The following NTRK3 variants were observed in gnomAD, a reference collection of about 807,000 sequenced individuals.
The protein encoded by NTRK3 is neurotrophic receptor tyrosine kinase 3.
Under a neutral mutation model 91.7 loss-of-function variants are expected in NTRK3, and 24 were observed. The ratio of observed to expected loss-of-function variants is 0.26; its 90% confidence interval spans 0.19 to 0.37. The LOEUF (loss-of-function observed/expected upper bound fraction) is 0.37, where lower values mean the gene tolerates loss of function less well. NTRK3 is among the 10% of genes least tolerant of loss of function. NTRK3 has a pLI of 1.00. For synonymous variants in NTRK3, 483 were observed against 404.0 expected, an observed-to-expected ratio of 1.20 and a Z score of -2.34; for missense variants, 880 against 1,068.9, an observed-to-expected ratio of 0.82 and a Z score of 2.46.
intron 5 of NTRK3, among the ~76,000 whole-genome samples, chr15:88,162,552 C>A (rs1361994192): frequency 6.6e-6 from 1 of 152,158 alleles, no homozygotes; most frequent in Non-Finnish European, 1.5e-5. Context: ...ACTGCAGGAG[C>A]AACAAAACAA....
At chr15:88,224,953 TG>T (rs2141631193) in intron 3 of NTRK3, among the ~76,000 whole-genome samples, 1 of 152,354 alleles carries the variant, frequency 6.6e-6, no homozygotes, top group African/African-American at 2.4e-5. Context: ...TCCCTTGCCT[TG>T]CAAAGTGGGC....
Position 87,880,519 on chromosome 15 carries a change from T to A in NTRK3, c.2134-91A>T, listed in dbSNP as rs1312372182. The A allele has an allele frequency of 6.0e-6, 8 of 1,337,500 alleles. No homozygotes were observed. The Admixed American group carries it at 1.5e-4, about 26-fold the overall frequency. 82.9% of individuals were successfully genotyped at this position (1,337,500 alleles called of 1,614,324 possible). On this transcript the variant is annotated intron_variant, in intron 17 of 18. Transcript: ENST00000394480. ...CACTCTTCACACATAGATGCACTCT[T>A]GATGCATCCTATTCTAAGATAGTCA...
intron 5 of NTRK3, among the ~76,000 whole-genome samples, chr15:88,169,157 A>T (rs1054115157): frequency 9.2e-5 from 14 of 152,156 alleles, no homozygotes; most frequent in African/African-American, 3.4e-4. Flanking sequence ...CCCACACCAT[A>T]CCACGCTGCC....
intron 14 of NTRK3, among the ~76,000 whole-genome samples, chr15:87,964,103 C>T (rs1235754290): frequency 3.3e-5 from 5 of 152,214 alleles, no homozygotes; most frequent in Admixed American, 1.3e-4. Context: ...ATGTATGACA[C>T]AGCTGCAGTT....
chr15:88,019,181 T>A (rs992152408), intron 14 of NTRK3, among the ~76,000 whole-genome samples: 1 of 152,194 alleles, frequency 6.6e-6, no homozygotes, highest in African/African-American at 2.4e-5. Flanking sequence ...AGAGGAGAGA[T>A]ACAAGGAGTA....
chr15:88,182,518 T>C (rs529180379), intron 5 of NTRK3, among the ~76,000 whole-genome samples: 21 of 152,252 alleles, frequency 1.4e-4, no homozygotes, highest in Admixed American at 3.3e-4. Context: ...AGCACACCAC[T>C]TCTCCACTTT....
chr15:88,113,601 C>T (rs909326337), intron 13 of NTRK3, among the ~76,000 whole-genome samples: 2 of 152,182 alleles, frequency 1.3e-5, no homozygotes, highest in African/African-American at 4.8e-5. Context: ...TAGGCATGAG[C>T]CACCACAGCT....
At chr15:87,893,460 T>C (rs2065948620) in intron 17 of NTRK3, among the ~76,000 whole-genome samples, 1 of 152,172 alleles carries the variant, frequency 6.6e-6, no homozygotes, top group Non-Finnish European at 1.5e-5. Flanking sequence ...AGTGTTCCAC[T>C]CTGGGGAATC....
chr15:87,940,827 G>T (rs757009962), intron 14 of NTRK3, 74 bp from the exon 15 acceptor site: 1 of 1,607,042 alleles, frequency 6.2e-7, no homozygotes. Context: ...GAAGAGTACA[G>T]AGGTCTAGCG....
intron 14 of NTRK3, among the ~76,000 whole-genome samples, chr15:87,971,191 C>T (rs1437954152): frequency 1.3e-5 from 2 of 152,158 alleles, no homozygotes; most frequent in Non-Finnish European, 2.9e-5. Flanking sequence ...TGGTGCCTCC[C>T]CTGCTGCCCA....
At chr15:88,229,565 G>A (rs148326816) in intron 3 of NTRK3, among the ~76,000 whole-genome samples, 34 of 152,318 alleles carry the variant, frequency 2.2e-4, no homozygotes, top group African/African-American at 8.2e-4. Context: ...AACACAGTCT[G>A]TCACCAGAAG....
At chr15:87,956,204 T>C (rs559695248) in intron 14 of NTRK3, among the ~76,000 whole-genome samples, 1 of 152,326 alleles carries the variant, frequency 6.6e-6, no homozygotes, top group African/African-American at 2.4e-5. Context: ...ACAATAGCCA[T>C]AAAAATTTAA....
At position 88,193,877 on chromosome 15, in the gene NTRK3, T is replaced by A. The variant is rs563050943; in HGVS notation, c.249-9578A>T. On this transcript the variant is annotated intron_variant, in intron 3 of 18. Transcript: ENST00000394480. ...TCCATGTCCTCCTCCAGCTACCAAC[T>A]CATGTGTCTACGCCTCTTTATGGCA... is the stretch of plus-strand genomic sequence containing the variant. Among the ~76,000 whole-genome samples, 4 of 152,304 alleles carry A rather than the reference T, an allele frequency of 2.6e-5. No individual in the cohort carries two copies. The South Asian group carries it at 8.3e-4, about 32-fold the overall frequency.
chr15:87,977,068 C>A (rs924801614), intron 14 of NTRK3, among the ~76,000 whole-genome samples: 1 of 152,216 alleles, frequency 6.6e-6, no homozygotes, highest in African/African-American at 2.4e-5. Context: ...AGATTTGAAT[C>A]TTGCTTTCAC....
chr15:88,102,632 C>A (rs747347910), intron 13 of NTRK3, among the ~76,000 whole-genome samples: 2 of 152,036 alleles, frequency 1.3e-5, no homozygotes, highest in Non-Finnish European at 2.9e-5. Flanking sequence ...TAAGTATGTA[C>A]AACTATTATA....
chr15:88,213,969 C>A (rs965561433), intron 3 of NTRK3, among the ~76,000 whole-genome samples: 2 of 152,108 alleles, frequency 1.3e-5, no homozygotes, highest in African/African-American at 4.8e-5. Flanking sequence ...GTCCCAGCTA[C>A]TCAGGAGGCT....
chr15:87,882,780 T>C (rs1480650111), intron 17 of NTRK3, among the ~76,000 whole-genome samples: 1 of 152,114 alleles, frequency 6.6e-6, no homozygotes, highest in Non-Finnish European at 1.5e-5. Context: ...AAATAGTACA[T>C]ATAGCTTTCA....
chr15:87,898,929 G>A (rs1352001471), intron 17 of NTRK3, among the ~76,000 whole-genome samples: 1 of 151,672 alleles, frequency 6.6e-6, no homozygotes, highest in Non-Finnish European at 1.5e-5. Context: ...TTTCAATCCA[G>A]TCCCTCATCT....
chr15:88,115,355 G>A (rs2051921577), intron 13 of NTRK3, among the ~76,000 whole-genome samples: 1 of 152,322 alleles, frequency 6.6e-6, no homozygotes, highest in African/African-American at 2.4e-5. Flanking sequence ...CTCAAATCCT[G>A]CCTGCTTCCC....
Sources: allele counts gnomAD v4.1 joint callset (sites outside exome capture counted in the v4.1 genomes callset), GRCh38; gene constraint gnomAD v4.1.1; transcripts MANE v1.5; gene names NCBI Gene and HGNC (gene_info 2026-07-23, HGNC 2026-07-21).